UNC79: variants seen among roughly 807,000 people sequenced by gnomAD.
The protein encoded by UNC79 is unc-79 subunit of NALCN channel complex.
A neutral mutation model predicts 283.1 loss-of-function variants in UNC79; 37 were observed. That is an observed-to-expected ratio of 0.13 (90% CI 0.10 to 0.17). UNC79 has a LOEUF of 0.17. UNC79 is among the 10% of genes least tolerant of loss of function. UNC79 has a pLI of 1.00. For missense variants in UNC79, 2,272 were observed against 3,211.1 expected, an observed-to-expected ratio of 0.71 and a Z score of 7.07; for synonymous variants, 1,107 against 1,200.2, an observed-to-expected ratio of 0.92 and a Z score of 1.61.
At chr14:93,618,618 C>A (rs1292618700) in intron 29 of UNC79, among the ~76,000 whole-genome samples, 1 of 152,096 alleles carries the variant, frequency 6.6e-6, no homozygotes, top group African/African-American at 2.4e-5. Context: ...GAATCAGGAG[C>A]CTTTGTAAGC....
intron 11 of UNC79, among the ~76,000 whole-genome samples, chr14:93,533,033 A>C (rs2060902613): frequency 6.6e-6 from 1 of 152,176 alleles, no homozygotes. Flanking sequence ...GTTGAACAAT[A>C]CATGTAGCTA....
At chr14:93,657,078 G>A (rs1018400945) in intron 38 of UNC79, among the ~76,000 whole-genome samples, 3 of 152,208 alleles carry the variant, frequency 2.0e-5, no homozygotes, top group Non-Finnish European at 4.4e-5. Context: ...TTGAGTTACT[G>A]TAAGAAGCAG....
At chr14:93,406,452 G>C (rs570804621) in intron 1 of UNC79, among the ~76,000 whole-genome samples, 70 of 152,132 alleles carry the variant, frequency 4.6e-4, no homozygotes, top group African/African-American at 1.7e-3. Flanking sequence ...GTCAGGCATG[G>C]TAACATGTGC....
At chr14:93,459,196 T>C (rs12436554) in intron 1 of UNC79, among the ~76,000 whole-genome samples, 2,733 of 152,264 alleles carry the variant, frequency 0.018, 95 homozygotes, top group African/African-American at 0.063. Flanking sequence ...TTCACCATGT[T>C]GGCCAGGCTG....
At chr14:93,456,791 A>T (rs1363880393) in intron 1 of UNC79, among the ~76,000 whole-genome samples, 1 of 152,108 alleles carries the variant, frequency 6.6e-6, no homozygotes, top group African/African-American at 2.4e-5. Context: ...TCCTATAACC[A>T]TGAGGCCATG....
At chr14:93,513,313 C>CTGAGATCAAG (rs976096823) in intron 7 of UNC79, among the ~76,000 whole-genome samples, 2 of 151,520 alleles carry the variant, frequency 1.3e-5, no homozygotes, top group African/African-American at 4.9e-5. Flanking sequence ...TCTTGAACTC[C>CTGAGATCAAG]TGAGATCAAG....
intron 41 of UNC79, among the ~76,000 whole-genome samples, chr14:93,679,678 C>T (rs1031809034): frequency 7.9e-5 from 12 of 152,000 alleles, no homozygotes; most frequent in Non-Finnish European, 1.5e-4. Flanking sequence ...TAGTTGAGTT[C>T]GTAACAATGT....
chr14:93,492,735 C>T (rs962311227), intron 5 of UNC79, among the ~76,000 whole-genome samples: 2 of 152,200 alleles, frequency 1.3e-5, no homozygotes, highest in African/African-American at 2.4e-5. Flanking sequence ...CAGGTATGTT[C>T]ATGGGTCAGT....
At chr14:93,593,579 C>T in intron 22 of UNC79, 101 bp from the exon 23 acceptor site, 1 of 1,411,980 alleles carries the variant, frequency 7.1e-7, no homozygotes, top group East Asian at 2.3e-5. Flanking sequence ...CACCCCTACC[C>T]ACCGTCTTGT....
chr14:93,665,050 T>C (rs1397803592), intron 40 of UNC79, among the ~76,000 whole-genome samples: 1 of 151,762 alleles, frequency 6.6e-6, no homozygotes, highest in Non-Finnish European at 1.5e-5. Context: ...ATAAATGATA[T>C]ACATATCATT....
chr14:93,546,106 C>T (rs1023184518), intron 14 of UNC79, among the ~76,000 whole-genome samples: 2 of 152,140 alleles, frequency 1.3e-5, no homozygotes, highest in Non-Finnish European at 2.9e-5. Context: ...TAGGTTCTAT[C>T]ATAGTGATGT....
chr14:93,419,337 T>G (rs1282526066), intron 1 of UNC79, among the ~76,000 whole-genome samples: 1 of 151,292 alleles, frequency 6.6e-6, no homozygotes, highest in African/African-American at 2.4e-5. Flanking sequence ...CCTGGCTAAT[T>G]TTTGTATTTT....
chr14:93,672,277 C>G (rs2072943482), intron 40 of UNC79, among the ~76,000 whole-genome samples: 1 of 152,174 alleles, frequency 6.6e-6, no homozygotes, highest in Admixed American at 6.5e-5. Flanking sequence ...AGTATGGAGT[C>G]AACCTAAGTG....
chr14:93,618,129 A>G, intron 28 of UNC79, 63 bp from the exon 30 acceptor site: 1 of 1,523,576 alleles, frequency 6.6e-7, no homozygotes, highest in South Asian at 1.3e-5. Context: ...CAGCAAGATC[A>G]GGTGGAAAAG....
chr14:93,366,586 T>A (rs180957917), intron 1 of UNC79, among the ~76,000 whole-genome samples: 1,855 of 151,196 alleles, frequency 0.012, 41 homozygotes, highest in African/African-American at 0.043. Flanking sequence ...TTTTTTTTTT[T>A]ATTTGAGACA....
chr14:93,603,228 C>T lies in UNC79; in HGVS notation c.3575-11C>T. ...AGGAGAGTGATAGTCTCTTTAATTC[C>T]TTTTGCAAAGCCATCACTGCTGTGA... On this transcript the variant is annotated splice_polypyrimidine_tract_variant and intron_variant, in intron 25 of 48. Transcript: ENST00000555664. 6.2e-7 allele frequency: 1 copy of T among 1,613,618 alleles called. No homozygotes were observed. Among genetic ancestry groups the T allele is most frequent in the Non-Finnish European group, 8.5e-7 (1 of 1,179,784 alleles).
intron 8 of UNC79, among the ~76,000 whole-genome samples, chr14:93,525,503 C>T (rs531047204): frequency 6.6e-6 from 1 of 152,048 alleles, no homozygotes; most frequent in Admixed American, 6.5e-5. Flanking sequence ...TAGGCCCTTC[C>T]CATTCTACTG....
chr14:93,618,740 A>G (rs961501277), intron 29 of UNC79, among the ~76,000 whole-genome samples: 2 of 152,204 alleles, frequency 1.3e-5, no homozygotes, highest in Non-Finnish European at 2.9e-5. Context: ...CTTTGCGCTC[A>G]TAGAGTTTCA....
intron 11 of UNC79, among the ~76,000 whole-genome samples, chr14:93,536,371 A>G (rs1163557678): frequency 6.6e-6 from 1 of 152,104 alleles, no homozygotes; most frequent in African/African-American, 2.4e-5. Flanking sequence ...GCTTCCTGGG[A>G]GCTGGTCTCT....
Sources: allele counts gnomAD v4.1 joint callset (sites outside exome capture counted in the v4.1 genomes callset), GRCh38; gene constraint gnomAD v4.1.1; transcripts MANE v1.5; gene names NCBI Gene and HGNC (gene_info 2026-07-23, HGNC 2026-07-21).